Variants in ALK observed in about 807,000 individuals in gnomAD.
ALK encodes the protein ALK receptor tyrosine kinase.
ALK carries 74 observed loss-of-function variants against 163.1 expected under a neutral mutation model. The ratio of observed to expected loss-of-function variants is 0.45; its 90% CI spans 0.38 to 0.55. The LOEUF is 0.55. Among genes scored for constraint, ALK ranks in the 20% least tolerant of loss-of-function variants. The pLI is 0.00. For missense variants in ALK, 2,063 were observed against 2,105.3 expected (o/e 0.98, Z 0.39); for synonymous variants, 960 against 843.2 (o/e 1.14, Z -2.40).
chr2:29,893,885 G>A (rs1667206234), intron 1 of ALK, among the ~76,000 whole-genome samples: 1 of 152,056 alleles, frequency 6.6e-6, no homozygotes, highest in Admixed American at 6.6e-5. Flanking sequence ...CTTGAGCAAG[G>A]TAAACTCTGA....
intron 8 of ALK, among the ~76,000 whole-genome samples, chr2:29,305,068 G>A (rs1271592373): frequency 2.0e-5 from 3 of 152,168 alleles, no homozygotes; most frequent in Non-Finnish European, 1.5e-5. Context: ...GAGACCTCTG[G>A]GGAGCTGGGT....
chr2:29,405,867 T>G (rs1174141838), intron 4 of ALK, among the ~76,000 whole-genome samples: 1 of 152,226 alleles, frequency 6.6e-6, no homozygotes, highest in Admixed American at 6.5e-5. Flanking sequence ...CCTTTAAGAT[T>G]AGCTCACATG....
At chr2:29,919,615 C>T (rs1304529721) in intron 1 of ALK, among the ~76,000 whole-genome samples, 1 of 152,130 alleles carries the variant, frequency 6.6e-6, no homozygotes, top group Non-Finnish European at 1.5e-5. Flanking sequence ...GAGAGAAGGG[C>T]AATAGTTTTG....
intron 1 of ALK, among the ~76,000 whole-genome samples, chr2:29,782,421 C>G (rs930494649): frequency 2.0e-5 from 3 of 152,182 alleles, no homozygotes; most frequent in Admixed American, 1.3e-4. Flanking sequence ...AGCCCTCACA[C>G]TTCCAGGGGC....
intron 1 of ALK, among the ~76,000 whole-genome samples, chr2:29,845,736 AT>A (rs1201993654): frequency 6.6e-6 from 1 of 152,176 alleles, no homozygotes; most frequent in African/African-American, 2.4e-5. Context: ...GCCCGGACAC[AT>A]TTTTTAACCT....
At chr2:29,919,631 T>G (rs1572502292) in intron 1 of ALK, among the ~76,000 whole-genome samples, 1 of 152,158 alleles carries the variant, frequency 6.6e-6, no homozygotes, top group Non-Finnish European at 1.5e-5. Context: ...TTTTGACATC[T>G]ACTACTAAGC....
intron 1 of ALK, among the ~76,000 whole-genome samples, chr2:29,799,739 GACAA>G (rs1407873045): frequency 1.3e-5 from 2 of 152,172 alleles, no homozygotes; most frequent in Admixed American, 6.5e-5. Context: ...GAGAAGAGTT[GACAA>G]ACAAAAATAA....
intron 1 of ALK, among the ~76,000 whole-genome samples, chr2:29,768,196 A>G (rs920851352): frequency 9.2e-5 from 14 of 152,214 alleles, no homozygotes; most frequent in African/African-American, 3.4e-4. Flanking sequence ...TGAAAGTGGC[A>G]AACGGGACAA....
intron 4 of ALK, among the ~76,000 whole-genome samples, chr2:29,466,948 G>A (rs1671227840): frequency 6.6e-6 from 1 of 152,214 alleles, no homozygotes; most frequent in Non-Finnish European, 1.5e-5. Context: ...GTGGACATCT[G>A]TAATTTTGTG....
chr2:29,857,266 A>C (rs892591379), intron 1 of ALK, among the ~76,000 whole-genome samples: 4 of 152,218 alleles, frequency 2.6e-5, no homozygotes, highest in Non-Finnish European at 5.9e-5. Context: ...AGAAAAGTAG[A>C]GGATAGTTCT....
At chr2:29,313,765 T>G (rs955052251) in intron 8 of ALK, among the ~76,000 whole-genome samples, 4 of 152,130 alleles carry the variant, frequency 2.6e-5, no homozygotes, top group African/African-American at 9.7e-5. Flanking sequence ...TCAATAGTTA[T>G]GCTCATCTTC....
chr2:29,560,463 T>G (rs1323166449), intron 3 of ALK, among the ~76,000 whole-genome samples: 1 of 152,198 alleles, frequency 6.6e-6, no homozygotes, highest in African/African-American at 2.4e-5. Flanking sequence ...GCCGAAGGCC[T>G]TTTTTTGGGG....
chr2:29,478,329 T>G (rs1671576613), intron 4 of ALK, among the ~76,000 whole-genome samples: 1 of 152,266 alleles, frequency 6.6e-6, no homozygotes, highest in African/African-American at 2.4e-5. Context: ...GTAATGATCC[T>G]GCTTTCGTAT....
chr2:29,814,016 A>G lies in ALK; in HGVS notation c.668-96319T>C, dbSNP rs115885171. ...CCTCTCTTCCAAAGTCTGGGGCCTG[A>G]TTTCTCCCACAGTGGTACAAGGAAT... On this transcript the variant is annotated intron_variant, in intron 1 of 28. Transcript: ENST00000389048. 5.0e-3 allele frequency among the ~76,000 whole-genome samples: 755 copies of G among 152,282 alleles called. 13 individuals are homozygous for G. The highest frequency in any genetic ancestry group is 0.017 in the African/African-American group (716 of 41,552).
chr2:29,340,896 C>T (rs571736085), intron 5 of ALK, among the ~76,000 whole-genome samples: 2 of 152,238 alleles, frequency 1.3e-5, no homozygotes, highest in Non-Finnish European at 2.9e-5. Context: ...TTCCTTGCTA[C>T]CTGTATAACT....
intron 3 of ALK, among the ~76,000 whole-genome samples, chr2:29,676,231 T>C (rs1202098539): frequency 6.6e-6 from 1 of 152,026 alleles, no homozygotes; most frequent in African/African-American, 2.4e-5. Flanking sequence ...ATGTCTTGCA[T>C]TGATTGTGAT....
intron 3 of ALK, among the ~76,000 whole-genome samples, chr2:29,677,046 A>AT (rs959555522): frequency 1.4e-4 from 21 of 151,072 alleles, no homozygotes; most frequent in Non-Finnish European, 3.0e-4. Context: ...TTCTTTTGGG[A>AT]TTTTCTACCT....
intron 3 of ALK, among the ~76,000 whole-genome samples, chr2:29,677,859 C>A (rs1677932052): frequency 6.6e-6 from 1 of 151,982 alleles, no homozygotes; most frequent in African/African-American, 2.4e-5. Context: ...CAATAATTGG[C>A]ATAATTTATT....
intron 3 of ALK, among the ~76,000 whole-genome samples, chr2:29,628,256 A>C (rs1476135564): frequency 1.3e-5 from 2 of 152,260 alleles, no homozygotes; most frequent in Non-Finnish European, 2.9e-5. Flanking sequence ...ATTTGTCAAC[A>C]TGCAATCTAT....
Sources: allele counts gnomAD v4.1 joint callset (sites outside exome capture counted in the v4.1 genomes callset), GRCh38; gene constraint gnomAD v4.1.1; transcripts MANE v1.5; gene names NCBI Gene and HGNC (gene_info 2026-07-23, HGNC 2026-07-21).